Variants in OTOF observed in about 807,000 individuals in gnomAD.
The protein encoded by OTOF is fer-1-like family member 2.
A neutral mutation model predicts 236.8 loss-of-function variants in OTOF; 218 were observed. The observed-to-expected ratio is 0.92, with a 90% CI of 0.82 to 1.03. The LOEUF is 1.03. Among genes scored for constraint, OTOF ranks in the 50% least tolerant of loss-of-function variants. The probability of loss-of-function intolerance (pLI) is 0.00; values close to 1 mark genes in which losing one functional copy is unlikely to be tolerated. For synonymous variants in OTOF, 1,041 were observed against 1,072.5 expected, an observed-to-expected ratio of 0.97 and a Z score of 0.57; for missense variants, 2,590 against 2,694.4, an observed-to-expected ratio of 0.96 and a Z score of 0.86.
intron 2 of OTOF, among the ~76,000 whole-genome samples, chr2:26,532,092 CAAAAAAAAAAA>C (rs150580671): frequency 3.7e-5 from 3 of 80,198 alleles, no homozygotes; most frequent in African/African-American, 1.3e-4. Context: ...GACTCCACCT[CAAAAAAAAAAA>C]AAAAAAAAAA....
Position 26,519,008 on chromosome 2 carries a change from A to C in OTOF, c.327+2T>G, listed in dbSNP as rs772344220. Reference sequence around the variant, plus strand: ...TCCAGGAACTCCGTGGGGCATACCCACCTTGATGATAGCATTGTTGTCATC... The same window carrying C: ...TCCAGGAACTCCGTGGGGCATACCCCCCTTGATGATAGCATTGTTGTCATC... On this transcript the variant is annotated splice_donor_variant, in intron 4 of 46. Coordinates refer to ENST00000272371, the MANE Select transcript of OTOF (RefSeq NM_194248.3). LOFTEE classifies it high-confidence loss of function. The C allele has an allele frequency of 2.3e-5, 37 of 1,601,766 alleles. No individual in the cohort carries two copies. The highest frequency in any genetic ancestry group is 3.0e-5 in the Non-Finnish European group (35 of 1,171,294).
chr2:26,476,326 G>A lies in OTOF; in HGVS notation c.2677-9C>T, dbSNP rs765705879. ...CCCCGCTTCCCTGGCAGCTGGGGGT[G>A]GGCATGGGGTCACCAGGAGCCTGAC... is the stretch of plus-strand genomic sequence containing the variant. On this transcript the variant is annotated splice_polypyrimidine_tract_variant and intron_variant, in intron 22 of 46. Coordinates refer to ENST00000272371, the MANE Select transcript of OTOF (RefSeq NM_194248.3). The A allele has an allele frequency of 9.4e-6, 15 of 1,600,670 alleles. No individual in the cohort carries two copies. In the East Asian group the frequency reaches 3.1e-4, roughly 33 times the overall value.
chr2:26,477,309 G>C lies in OTOF; in HGVS notation c.2407-21C>G. 6.2e-7 allele frequency: 1 copy of C among 1,606,116 alleles called. No homozygotes were observed. Among genetic ancestry groups the C allele is most frequent in the Non-Finnish European group, 8.5e-7 (1 of 1,176,140 alleles). On this transcript the variant is annotated intron_variant, in intron 20 of 46. Transcript: ENST00000272371. The surrounding 1 kb of genome is among the most constrained non-coding windows in gnomAD (Gnocchi z 4.7). ...TTTTCCTGCGAAGGAGGGGGTGTCA[G>C]TGAACCCAGCAACTGGGGGACAGCT...
rs1470136964 is a variant in OTOF, at chr2:26,461,615, G to A, written c.5533+81C>T. ...TGACCCCTTGTCCCCCCAAGGCAGG[G>A]CTCTCCCTGTCCCCGCCAACCCGGC... On this transcript the variant is annotated intron_variant, in intron 43 of 46. Transcript: ENST00000272371. The surrounding 1 kb of genome is among the most constrained non-coding windows in gnomAD (Gnocchi z 6.2). 5.7e-6 allele frequency: 9 copies of A among 1,583,798 alleles called. No individual in the cohort carries two copies. In the South Asian group the frequency reaches 6.6e-5, roughly 12 times the overall value.
At chr2:26,476,454 T>C in intron 22 of OTOF, 137 bp from the exon 23 acceptor site, 1 of 782,490 alleles carries the variant, frequency 1.3e-6, no homozygotes, top group South Asian at 1.6e-5. Context: ...TGGGGTCCGG[T>C]GGAGGCAGGA....
chr2:26,518,411 A>G (rs1022706295), intron 4 of OTOF, among the ~76,000 whole-genome samples: 14 of 152,294 alleles, frequency 9.2e-5, no homozygotes, highest in African/African-American at 3.4e-4. Context: ...CCTGTTCCTC[A>G]CCATCATGCC....
Position 26,483,475 on chromosome 2 carries a change from A to G in OTOF, c.1379T>C (p.Phe460Ser). Residue 460 changes from phenylalanine (F) to serine (S), a missense_variant, in exon 13 of 47, where the codon TTT becomes TCT. Phe to Ser is a radical substitution (Grantham distance 155). Coordinates refer to ENST00000272371, the MANE Select transcript of OTOF (RefSeq NM_194248.3). ...ATACCCCAGTACCTTCTGGCCAGCA[A>G]AGAAGACTTGCACGTAGGGGTCCAC... ...DLVDPYVQVF[F>S]AGQKGKTSVQ... The G allele has an allele frequency of 6.2e-7, 1 of 1,613,760 alleles. No homozygotes were observed. The highest frequency in any genetic ancestry group is 8.5e-7 in the Non-Finnish European group (1 of 1,179,960).
At position 26,475,787 on chromosome 2, in the gene OTOF, G is replaced by A. The variant is rs546740046; in HGVS notation, c.2991+127C>T. On this transcript the variant is annotated intron_variant, in intron 24 of 46. Transcript: ENST00000272371. The stretch of plus-strand genomic sequence containing the variant: ...TCTGCAGGGCTTCCCCTGAGAAACC[G>A]GGGCACTGGCTGACCTGTGGCTCCA... The A allele has an allele frequency of 1.4e-5, 18 of 1,255,164 alleles. No homozygotes were observed. The African/African-American group carries it at 1.6e-4, about 11-fold the overall frequency. The allele number at this position is 1,255,164 out of a possible 1,614,324, so 77.8% of individuals were successfully genotyped here. A position where few individuals can be genotyped will look rare whatever the true frequency, so the allele number is the denominator to read the frequency against.
At chr2:26,464,790 C>G in intron 39 of OTOF, 79 bp downstream of exon 39, 1 of 1,414,778 alleles carries the variant, frequency 7.1e-7, no homozygotes, top group Non-Finnish European at 9.7e-7. Flanking sequence ...TGTGAGGTTC[C>G]CCAGGGAAGT....
In OTOF at chr2:26,459,869, CAT is replaced by C. The variant is rs1159054165; in HGVS notation, c.*17+137_*17+138del. On this transcript the variant is annotated intron_variant, in intron 46 of 46. Transcript: ENST00000272371. The stretch of plus-strand genomic sequence containing the variant: ...CATGTGTATGCACTTGTGCGTGGCA[CAT>C]GTGTGCATACATGCTTGTGTGTGTT... 3.2e-5 allele frequency: 26 copies of C among 820,128 alleles called. No homozygotes were observed. In the South Asian group the frequency reaches 4.2e-4, roughly 13 times the overall value. The allele number at this position is 820,128 out of a possible 1,614,324, so 50.8% of individuals were successfully genotyped here.
At chr2:26,469,356 G>A (rs1157983119) in intron 32 of OTOF, among the ~76,000 whole-genome samples, 1 of 152,166 alleles carries the variant, frequency 6.6e-6, no homozygotes, top group Admixed American at 6.6e-5. Flanking sequence ...CTCCAGCCTG[G>A]CCAACTTGAT....
At chr2:26,523,784 C>T (rs1467310743) in intron 3 of OTOF, among the ~76,000 whole-genome samples, 1 of 152,236 alleles carries the variant, frequency 6.6e-6, no homozygotes, top group Non-Finnish European at 1.5e-5. Flanking sequence ...GTGCAGACCC[C>T]AAAGACCCCT....
chr2:26,480,125 C>T, intron 16 of OTOF, 78 bp downstream of exon 16: 1 of 837,468 alleles, frequency 1.2e-6, no homozygotes, highest in Non-Finnish European at 2.1e-6. Flanking sequence ...TCACACTTAC[C>T]ACCTGCAGCC....
At chr2:26,545,052 A>G (rs866831370) in intron 1 of OTOF, among the ~76,000 whole-genome samples, 70 of 152,022 alleles carry the variant, frequency 4.6e-4, no homozygotes, top group African/African-American at 1.5e-3. Context: ...AAAAAAAAAA[A>G]AAAGAAAAGA....
At chr2:26,526,968 G>C (rs1666822326) in intron 3 of OTOF, among the ~76,000 whole-genome samples, 1 of 152,172 alleles carries the variant, frequency 6.6e-6, no homozygotes, top group Non-Finnish European at 1.5e-5. Context: ...TAGGACTACA[G>C]GTGTGTGCCA....
intron 2 of OTOF, among the ~76,000 whole-genome samples, chr2:26,528,685 AAGC>A (rs1334310757): frequency 1.1e-3 from 175 of 152,332 alleles, no homozygotes; most frequent in African/African-American, 3.8e-3. Context: ...ATTCTGTAAA[AAGC>A]TGCCAATGGG....
Position 26,475,467 on chromosome 2 carries a change from G to A in OTOF, c.3018C>T (p.Thr1006=), listed in dbSNP as rs761533093. Residue 1006 remains threonine (T), a synonymous_variant, in exon 25 of 47, where the codon ACC becomes ACT. Coordinates refer to ENST00000272371, the MANE Select transcript of OTOF (RefSeq NM_194248.3). The stretch of plus-strand genomic sequence containing the variant: ...TGTCGAACACCAGCATCTGGTCCCA[G>A]GTGGGACACAGGGTCTCATTCAGCA... ...TEVLNETLCP[T]WDQMLVFDNL... is the part of the protein sequence containing the mutation. 1.9e-6 allele frequency: 3 copies of A among 1,613,012 alleles called. No homozygotes were observed. In the South Asian group the frequency reaches 3.3e-5, roughly 18 times the overall value.
chr2:26,482,603 G>C lies in OTOF; in HGVS notation c.1393-11C>G. ...CACTGAAGTCTTGCCCTGGTGGAAG[G>C]GGGAGCACAGGTGAGGGCGTGGCAT... On this transcript the variant is annotated splice_polypyrimidine_tract_variant and intron_variant, in intron 13 of 46. Transcript: ENST00000272371. The C allele has an allele frequency of 6.2e-7, 1 of 1,611,000 alleles. No individual in the cohort carries two copies. Among genetic ancestry groups the C allele is most frequent in the Non-Finnish European group, 8.5e-7 (1 of 1,178,240 alleles).
At chr2:26,486,751 C>T (rs1053328830) in intron 11 of OTOF, among the ~76,000 whole-genome samples, 12 of 152,236 alleles carry the variant, frequency 7.9e-5, no homozygotes, top group African/African-American at 2.9e-4. Flanking sequence ...CTGTGGGGGT[C>T]CCTACATCAG....
Sources: allele counts gnomAD v4.1 joint callset (sites outside exome capture counted in the v4.1 genomes callset), GRCh38; gene constraint gnomAD v4.1.1; non-coding constraint Gnocchi (gnomAD v3.1); transcripts MANE v1.5; gene names NCBI Gene and HGNC (gene_info 2026-07-23, HGNC 2026-07-21).